APPL2: variants seen among roughly 807,000 people sequenced by gnomAD.
APPL2 encodes the protein DCC-interacting protein 13-beta.
APPL2 carries 84 observed loss-of-function variants against 92.7 expected under a neutral mutation model. The observed-to-expected ratio is 0.91, with a 90% CI of 0.76 to 1.09. The LOEUF (loss-of-function observed/expected upper bound fraction) is 1.09, where lower values mean the gene tolerates loss of function less well. Among genes scored for constraint, APPL2 ranks in the 50% least tolerant of loss-of-function variants. The pLI, the probability that APPL2 is intolerant of heterozygous loss-of-function variation, is 0.00. For synonymous variants in APPL2, 291 were observed against 291.0 expected (o/e 1.00, Z 0.00); for missense variants, 736 against 824.5 (o/e 0.89, Z 1.31).
At chr12:105,219,889 A>G (rs1889967465) in intron 2 of APPL2, among the ~76,000 whole-genome samples, 1 of 152,244 alleles carries the variant, frequency 6.6e-6, no homozygotes, top group African/African-American at 2.4e-5. Flanking sequence ...GGGCAGCACC[A>G]TGTGGAACAT....
At chr12:105,205,593 T>TA (rs1888631615) in intron 8 of APPL2, among the ~76,000 whole-genome samples, 2 of 152,212 alleles carry the variant, frequency 1.3e-5, no homozygotes, top group Admixed American at 6.5e-5. Context: ...AAGCAAGTTC[T>TA]ACAGCACTGA....
At chr12:105,182,218 A>C (rs1181290126) in intron 17 of APPL2, among the ~76,000 whole-genome samples, 1 of 152,106 alleles carries the variant, frequency 6.6e-6, no homozygotes, top group Non-Finnish European at 1.5e-5. Flanking sequence ...TAGTAGAGAC[A>C]GGGTTTCATC....
chr12:105,174,556 A>T, intron 20 of APPL2, 108 bp from the exon 21 acceptor site: 1 of 1,225,978 alleles, frequency 8.2e-7, no homozygotes, highest in Middle Eastern at 2.0e-4. Flanking sequence ...GTTTCTCCTG[A>T]CTCTTGTGTA....
intron 17 of APPL2, among the ~76,000 whole-genome samples, chr12:105,179,786 GTCTGTTC>G (rs1885928533): frequency 3.9e-5 from 6 of 152,176 alleles, no homozygotes; most frequent in Non-Finnish European, 5.9e-5. Flanking sequence ...TTTGAAAAAT[GTCTGTTC>G]ATATCCTTCA....
intron 5 of APPL2, among the ~76,000 whole-genome samples, chr12:105,210,330 A>AT (rs1225653663): frequency 2.0e-5 from 3 of 152,202 alleles, no homozygotes; most frequent in African/African-American, 7.2e-5. Context: ...CCGCAAAAAA[A>AT]GCTTAAAGTG....
chr12:105,228,045 A>G (rs1890652048), intron 2 of APPL2, among the ~76,000 whole-genome samples: 1 of 152,164 alleles, frequency 6.6e-6, no homozygotes, highest in Admixed American at 6.5e-5. Flanking sequence ...CCCAACTGTC[A>G]GCTCCCCAAC....
rs531072966 is a variant in APPL2, at chr12:105,176,327, G to A, written c.1813-245C>T. The A allele has an allele frequency of 6.1e-5, 33 of 544,472 alleles. No homozygotes were observed. In the Middle Eastern group the frequency reaches 3.4e-3, roughly 56 times the overall value. 33.7% of individuals were successfully genotyped at this position (544,472 alleles called of 1,614,324 possible). On this transcript the variant is annotated intron_variant, in intron 19 of 20. Transcript: ENST00000258530. The stretch of plus-strand genomic sequence containing the variant: ...TAAGTGAAACTCAGGTAATTCCAGT[G>A]TTAAAAGTTCTTAATAGGAATTTTT...
intron 8 of APPL2, among the ~76,000 whole-genome samples, chr12:105,205,456 CT>C: frequency 6.6e-6 from 1 of 152,344 alleles, no homozygotes; most frequent in South Asian, 2.1e-4. Context: ...TCTTCTCCCT[CT>C]GTGGCCAGAG....
intron 17 of APPL2, 125 bp downstream of exon 17, chr12:105,188,148 A>T: frequency 9.2e-7 from 1 of 1,082,788 alleles, no homozygotes; most frequent in Non-Finnish European, 1.3e-6. Context: ...TTATGTAAAA[A>T]GTAGTGGGGG....
chr12:105,222,634 A>G (rs1890192316), intron 2 of APPL2, among the ~76,000 whole-genome samples: 1 of 152,164 alleles, frequency 6.6e-6, no homozygotes, highest in Non-Finnish European at 1.5e-5. Context: ...TCCTTCATTC[A>G]ACACCTATGG....
chr12:105,227,817 A>G (rs1890634805), intron 2 of APPL2, among the ~76,000 whole-genome samples: 1 of 152,244 alleles, frequency 6.6e-6, no homozygotes, highest in African/African-American at 2.4e-5. Context: ...AGGCATAATA[A>G]CAATAACAAT....
chr12:105,217,386 T>C (rs1290017168), intron 3 of APPL2, among the ~76,000 whole-genome samples: 5 of 152,216 alleles, frequency 3.3e-5, no homozygotes, highest in African/African-American at 1.2e-4. Context: ...TATTTGAGTG[T>C]TTATTTCCTG....
intron 2 of APPL2, among the ~76,000 whole-genome samples, chr12:105,218,126 G>GA (rs5800658): frequency 0.49 from 73,945 of 150,674 alleles, 18,662 homozygotes; most frequent in East Asian, 0.68. Flanking sequence ...AATTATAAAA[G>GA]AAAAAAAAAT....
In APPL2 at chr12:105,199,199, C is replaced by T. The variant is rs1592787511; in HGVS notation, c.863+174G>A. The T allele has an allele frequency of 5.6e-6, 4 of 714,430 alleles. No homozygotes were observed. In the East Asian group the frequency reaches 1.1e-4, roughly 20 times the overall value. The allele number at this position is 714,430 out of a possible 1,614,324, so 44.3% of individuals were successfully genotyped here. A position where few individuals can be genotyped will look rare whatever the true frequency, so the allele number is the denominator to read the frequency against. On this transcript the variant is annotated intron_variant, in intron 10 of 20. Transcript: ENST00000258530. ...CCCCATCTCTTAGTGCAGTTTGGCG[C>T]CTGGGCCCCAGAGGTTTCCTGTGTT...
intron 4 of APPL2, among the ~76,000 whole-genome samples, chr12:105,212,348 A>G (rs755622496): frequency 1.3e-5 from 2 of 152,168 alleles, no homozygotes; most frequent in African/African-American, 2.4e-5. Flanking sequence ...CTATCAGTGC[A>G]TTTTTGAGTA....
At chr12:105,200,260 T>C (rs932938027) in intron 9 of APPL2, among the ~76,000 whole-genome samples, 3 of 152,168 alleles carry the variant, frequency 2.0e-5, no homozygotes, top group African/African-American at 7.2e-5. Context: ...CCTAAGCAAG[T>C]TCCATAAAGG....
At chr12:105,180,332 T>C (rs1210100546) in intron 17 of APPL2, among the ~76,000 whole-genome samples, 1 of 152,208 alleles carries the variant, frequency 6.6e-6, no homozygotes, top group Non-Finnish European at 1.5e-5. Flanking sequence ...TCCATTGGTC[T>C]ATATATCTGT....
chr12:105,186,636 C>CGATATCATATATG lies in APPL2; in HGVS notation c.1634+1636_1634+1637insCATATATGATATC, dbSNP rs1491368321. 2.4e-3 allele frequency among the ~76,000 whole-genome samples: 211 copies of CGATATCATATATG among 88,658 alleles called. 5 individuals carry two copies. The highest frequency in any genetic ancestry group is 7.3e-3 in the African/African-American group (208 of 28,404). The allele number at this position is 88,658 out of a possible 152,430, so 58.2% of individuals were successfully genotyped here. A position where few individuals can be genotyped will look rare whatever the true frequency, so the allele number is the denominator to read the frequency against. On this transcript the variant is annotated intron_variant, in intron 17 of 20. Coordinates refer to ENST00000258530, the MANE Select transcript of APPL2 (RefSeq NM_018171.5). ...TATATCATATATATATCATATATAT[C>CGATATCATATATG]ATATATATGATATCGATATCATATA...
intron 2 of APPL2, among the ~76,000 whole-genome samples, chr12:105,219,141 C>T (rs899449135): frequency 4.6e-5 from 7 of 152,360 alleles, no homozygotes; most frequent in African/African-American, 1.7e-4. Flanking sequence ...GCTATTTCTC[C>T]TGGGGTTGTT....
Sources: gnomAD v4.1 joint callset for allele counts (sites outside exome capture counted in the v4.1 genomes callset) on GRCh38, gnomAD v4.1.1 for gene constraint, MANE v1.5 for transcripts, NCBI Gene and HGNC (gene_info 2026-07-23, HGNC 2026-07-21) for gene names.